Variants in PTPN1 observed in about 807,000 individuals in gnomAD.
PTPN1 encodes the protein tyrosine-protein phosphatase non-receptor type 1.
A neutral mutation model predicts 59.9 loss-of-function variants in PTPN1; 12 were observed. The ratio of observed to expected loss-of-function variants is 0.20; its 90% CI spans 0.13 to 0.32. PTPN1 has a LOEUF of 0.32. Ranked by LOEUF, PTPN1 falls within the 10% of genes least tolerant of loss-of-function variation. The pLI, the probability that PTPN1 is intolerant of heterozygous loss-of-function variation, is 1.00. For missense variants in PTPN1, 356 were observed against 549.2 expected (o/e 0.65, Z 3.52); for synonymous variants, 178 against 203.6 (o/e 0.87, Z 1.07).
At chr20:50,542,422 A>G (rs1249628311) in intron 1 of PTPN1, among the ~76,000 whole-genome samples, 1 of 152,186 alleles carries the variant, frequency 6.6e-6, no homozygotes, top group Non-Finnish European at 1.5e-5. Context: ...TGAAAATCTG[A>G]CTAGATTTAA....
At chr20:50,537,414 T>C in intron 1 of PTPN1, among the ~76,000 whole-genome samples, 1 of 152,184 alleles carries the variant, frequency 6.6e-6, no homozygotes, top group East Asian at 1.9e-4. Context: ...CCACTGCCCA[T>C]AACATTTTGC....
intron 4 of PTPN1, among the ~76,000 whole-genome samples, chr20:50,570,487 C>T (rs746576837): frequency 1.3e-5 from 2 of 152,180 alleles, no homozygotes; most frequent in African/African-American, 2.4e-5. Flanking sequence ...ATTTTTTCTT[C>T]CCTCCTTAGT....
At chr20:50,580,549 T>A (rs2082862440) in intron 8 of PTPN1, among the ~76,000 whole-genome samples, 1 of 152,192 alleles carries the variant, frequency 6.6e-6, no homozygotes, top group South Asian at 2.1e-4. Context: ...CAGGGAAGGC[T>A]GCTTGCAGTA....
chr20:50,554,667 GATA>G (rs1176959488), intron 1 of PTPN1, among the ~76,000 whole-genome samples: 2 of 151,982 alleles, frequency 1.3e-5, no homozygotes, highest in Non-Finnish European at 2.9e-5. Context: ...AAAAATGTAT[GATA>G]ATAGCATAAA....
chr20:50,535,338 CT>C lies in PTPN1; in HGVS notation c.63+24751del, dbSNP rs534243878. Among the ~76,000 whole-genome samples the C allele has an allele frequency of 5.0e-3, 762 of 152,292 alleles. 5 individuals carry two copies. Among genetic ancestry groups the C allele is most frequent in the African/African-American group, 0.018 (728 of 41,560 alleles). ...CTGCAGCGCATGCTCCACATTCTGTCTTTACTGATGCTGTGTCTTCTGCCTG... is the reference window on the plus strand; with the variant it reads ...CTGCAGCGCATGCTCCACATTCTGTCTTACTGATGCTGTGTCTTCTGCCTG... On this transcript the variant is annotated intron_variant, in intron 1 of 9. Transcript: ENST00000371621.
intron 9 of PTPN1, 148 bp downstream of exon 9, chr20:50,581,608 A>G (rs1464283544): frequency 1.1e-5 from 10 of 917,224 alleles, no homozygotes; most frequent in African/African-American, 1.7e-5. Context: ...GGAACTGTGG[A>G]AGGGCTAACA....
intron 4 of PTPN1, chr20:50,573,064 T>C (rs1368854999): frequency 1.3e-5 from 2 of 152,266 alleles, no homozygotes; most frequent in African/African-American, 4.8e-5. Context: ...ACCTGGTGTT[T>C]CCTAATTTGT....
intron 1 of PTPN1, among the ~76,000 whole-genome samples, chr20:50,534,233 A>C (rs751045283): frequency 2.6e-5 from 4 of 152,230 alleles, no homozygotes; most frequent in Non-Finnish European, 5.9e-5. Context: ...CGAAGCTGTC[A>C]TATTAAATAG....
chr20:50,519,307 G>T (rs2082541484), intron 1 of PTPN1, among the ~76,000 whole-genome samples: 1 of 152,180 alleles, frequency 6.6e-6, no homozygotes, highest in Non-Finnish European at 1.5e-5. Context: ...AATACACTCA[G>T]AGAGAGAATC....
intron 1 of PTPN1, among the ~76,000 whole-genome samples, chr20:50,512,205 T>C (rs1158882773): frequency 1.3e-5 from 2 of 152,174 alleles, no homozygotes; most frequent in African/African-American, 4.8e-5. Context: ...TGTAGACAAA[T>C]TTTCTGCATC....
chr20:50,584,116 A>C lies in PTPN1; in HGVS notation c.*1401A>C, dbSNP rs1357345551. Reference sequence around the variant, plus strand: ...AAGGGAACTGAAGACCTCCACATTAAGTGGCTTTTTAACATGAAAAACACG... The same window carrying C: ...AAGGGAACTGAAGACCTCCACATTACGTGGCTTTTTAACATGAAAAACACG... On this transcript the variant is annotated 3_prime_UTR_variant, in exon 10 of 10. Transcript: ENST00000371621. 2 of 152,656 alleles carry C rather than the reference A, an allele frequency of 1.3e-5. No individual in the cohort carries two copies. The highest frequency in any genetic ancestry group is 3.8e-4 in the East Asian group (2 of 5,198). The allele number at this position is 152,656 out of a possible 1,614,324, so 9.5% of individuals were successfully genotyped here.
chr20:50,554,760 C>T lies in PTPN1; in HGVS notation c.64-6603C>T, dbSNP rs537414213. Among the ~76,000 whole-genome samples, 114 of 151,970 alleles carry T rather than the reference C, an allele frequency of 7.5e-4. 2 individuals are homozygous for T. Among genetic ancestry groups the T allele is most frequent in the Non-Finnish European group, 1.4e-3 (96 of 68,008 alleles). The stretch of plus-strand genomic sequence containing the variant: ...AAAGTAGACCATCGTGAATTCGATG[C>T]ATATTGTAAACCAAATAGAACACTA... On this transcript the variant is annotated intron_variant, in intron 1 of 9. Transcript: ENST00000371621.
At chr20:50,520,266 G>T (rs898303243) in intron 1 of PTPN1, among the ~76,000 whole-genome samples, 8 of 151,834 alleles carry the variant, frequency 5.3e-5, no homozygotes, top group Admixed American at 5.2e-4. Context: ...AGCTACTCAG[G>T]AGGCTGAGGC....
At chr20:50,576,387 T>A (rs1477244250) in intron 5 of PTPN1, among the ~76,000 whole-genome samples, 1 of 152,192 alleles carries the variant, frequency 6.6e-6, no homozygotes, top group Non-Finnish European at 1.5e-5. Flanking sequence ...ATCTGTTTGC[T>A]CCAACAGACT....
intron 1 of PTPN1, among the ~76,000 whole-genome samples, chr20:50,524,908 A>G (rs2082567723): frequency 6.6e-6 from 1 of 151,600 alleles, no homozygotes; most frequent in Admixed American, 6.6e-5. Flanking sequence ...CAGTACACAG[A>G]TAGCTTTGAG....
chr20:50,523,018 G>A (rs7274623), intron 1 of PTPN1, among the ~76,000 whole-genome samples: 3,808 of 151,514 alleles, frequency 0.025, 60 homozygotes, highest in East Asian at 0.051. Context: ...CATCCACCTC[G>A]GCCTCCCAAA....
chr20:50,579,487 A>G (rs1036795613), intron 7 of PTPN1, among the ~76,000 whole-genome samples, 158 bp downstream of exon 7: 5 of 152,250 alleles, frequency 3.3e-5, no homozygotes, highest in African/African-American at 1.2e-4. Flanking sequence ...AATGTTCACC[A>G]TGTTGCACTT....
At chr20:50,545,412 G>A (rs1320639714) in intron 1 of PTPN1, among the ~76,000 whole-genome samples, 1 of 152,190 alleles carries the variant, frequency 6.6e-6, no homozygotes, top group Non-Finnish European at 1.5e-5. Context: ...ATAGTAAATA[G>A]TAAGCACTCA....
At position 50,510,402 on chromosome 20, in the gene PTPN1, T is replaced by C; in HGVS notation, c.-126T>C. ...GTTGACATGAAGAAGCAGCAGCGGCTAGGGCGGCGGTAGCTGCAGGGGTCG... is the reference window on the plus strand; with the variant it reads ...GTTGACATGAAGAAGCAGCAGCGGCCAGGGCGGCGGTAGCTGCAGGGGTCG... On this transcript the variant is annotated 5_prime_UTR_variant, in exon 1 of 10. Coordinates refer to ENST00000371621, the MANE Select transcript of PTPN1 (RefSeq NM_002827.4). The C allele has an allele frequency of 2.0e-6, 2 of 1,010,188 alleles. No individual in the cohort carries two copies. Among genetic ancestry groups the C allele is most frequent in the Non-Finnish European group, 2.9e-6 (2 of 694,130 alleles). 62.6% of individuals were successfully genotyped at this position (1,010,188 alleles called of 1,614,324 possible).
Sources: gnomAD v4.1 joint callset for allele counts (sites outside exome capture counted in the v4.1 genomes callset) on GRCh38, gnomAD v4.1.1 for gene constraint, MANE v1.5 for transcripts, NCBI Gene and HGNC (gene_info 2026-07-23, HGNC 2026-07-21) for gene names.